The following PPP1R14C variants were observed in gnomAD, a reference collection of about 807,000 sequenced individuals.
PPP1R14C encodes protein phosphatase 1 regulatory subunit 14C.
Under a neutral mutation model 20.4 loss-of-function variants are expected in PPP1R14C, and 16 were observed. The observed-to-expected ratio is 0.78, with a 90% CI of 0.53 to 1.19. PPP1R14C has a LOEUF of 1.19. Among genes scored for constraint, PPP1R14C ranks in the 50% most tolerant of loss-of-function variants. PPP1R14C has a pLI of 0.00. For synonymous variants in PPP1R14C, 91 were observed against 91.0 expected (o/e 1.00, Z 0.00); for missense variants, 211 against 220.1 (o/e 0.96, Z 0.26).
At chr6:150,242,233 TC>T (rs1375951780) in intron 3 of PPP1R14C, among the ~76,000 whole-genome samples, 1 of 152,118 alleles carries the variant, frequency 6.6e-6, no homozygotes. Flanking sequence ...CATAAACTCT[TC>T]CAGAAACTTG....
chr6:150,242,068 T>G (rs1451698854), intron 3 of PPP1R14C, among the ~76,000 whole-genome samples: 1 of 152,110 alleles, frequency 6.6e-6, no homozygotes, highest in Non-Finnish European at 1.5e-5. Context: ...CAGGAAAATT[T>G]CTTAATAGGT....
At chr6:150,178,517 G>A (rs888315706) in intron 1 of PPP1R14C, among the ~76,000 whole-genome samples, 1 of 152,202 alleles carries the variant, frequency 6.6e-6, no homozygotes, top group African/African-American at 2.4e-5. Flanking sequence ...TTCAGTTCAG[G>A]TAAAGTCAAT....
intron 1 of PPP1R14C, among the ~76,000 whole-genome samples, chr6:150,164,088 G>T (rs1777400179): frequency 6.6e-6 from 1 of 152,182 alleles, no homozygotes; most frequent in South Asian, 2.1e-4. Flanking sequence ...ATATAGTGGT[G>T]TTGCATTATG....
intron 1 of PPP1R14C, among the ~76,000 whole-genome samples, chr6:150,206,393 C>A (rs1777950899): frequency 6.6e-6 from 1 of 152,158 alleles, no homozygotes; most frequent in Admixed American, 6.5e-5. Context: ...TAGGACAGTG[C>A]CTGGCAGGTA....
intron 1 of PPP1R14C, among the ~76,000 whole-genome samples, chr6:150,191,975 G>A (rs1046895687): frequency 2.0e-5 from 3 of 152,152 alleles, no homozygotes; most frequent in Admixed American, 6.5e-5. Flanking sequence ...ACAGAGGCTG[G>A]AGCTTGCTGA....
At chr6:150,241,371 AT>A (rs1778429256) in intron 3 of PPP1R14C, among the ~76,000 whole-genome samples, 1 of 152,120 alleles carries the variant, frequency 6.6e-6, no homozygotes, top group Non-Finnish European at 1.5e-5. Flanking sequence ...TCCTTTATTA[AT>A]GTAATAAGTA....
chr6:150,183,491 C>G (rs1292107251), intron 1 of PPP1R14C, among the ~76,000 whole-genome samples: 1 of 152,074 alleles, frequency 6.6e-6, no homozygotes, highest in Non-Finnish European at 1.5e-5. Flanking sequence ...ACTGCGGGTT[C>G]TACCAAGTCA....
At chr6:150,192,878 C>G (rs944868287) in intron 1 of PPP1R14C, among the ~76,000 whole-genome samples, 2 of 152,116 alleles carry the variant, frequency 1.3e-5, no homozygotes, top group Non-Finnish European at 2.9e-5. Flanking sequence ...TCTTTCAGGG[C>G]CTCTCATCTT....
intron 3 of PPP1R14C, among the ~76,000 whole-genome samples, chr6:150,237,981 G>T (rs111813464): frequency 6.6e-6 from 1 of 151,866 alleles, no homozygotes; most frequent in Non-Finnish European, 1.5e-5. Flanking sequence ...ATCATTATAC[G>T]ATCCATAGTC....
intron 1 of PPP1R14C, among the ~76,000 whole-genome samples, chr6:150,193,048 CTGT>C (rs545175295): frequency 7.9e-5 from 12 of 152,262 alleles, no homozygotes; most frequent in African/African-American, 2.4e-4. Context: ...TTTTCTTACT[CTGT>C]TGTTTAAGTA....
chr6:150,188,927 C>T (rs961681193), intron 1 of PPP1R14C, among the ~76,000 whole-genome samples: 26 of 151,860 alleles, frequency 1.7e-4, no homozygotes, highest in Admixed American at 3.9e-4. Flanking sequence ...GGCATGATCT[C>T]GGCTCACTGC....
At chr6:150,224,666 G>A (rs918281057) in intron 3 of PPP1R14C, among the ~76,000 whole-genome samples, 3 of 152,120 alleles carry the variant, frequency 2.0e-5, no homozygotes, top group Admixed American at 1.3e-4. Context: ...CTTGCATGCT[G>A]TCTACTTTAT....
At chr6:150,184,144 T>TAGTC (rs1777651624) in intron 1 of PPP1R14C, among the ~76,000 whole-genome samples, 1 of 152,228 alleles carries the variant, frequency 6.6e-6, no homozygotes, top group Admixed American at 6.5e-5. Flanking sequence ...TTTGCAGGTG[T>TAGTC]AGTCACACAT....
intron 1 of PPP1R14C, among the ~76,000 whole-genome samples, chr6:150,184,926 T>C (rs1022624216): frequency 6.6e-6 from 1 of 152,234 alleles, no homozygotes; most frequent in Non-Finnish European, 1.5e-5. Context: ...CATGAAGTTA[T>C]GGCTTTATTC....
intron 1 of PPP1R14C, among the ~76,000 whole-genome samples, chr6:150,190,924 A>G (rs1159252901): frequency 2.0e-5 from 3 of 152,088 alleles, no homozygotes; most frequent in Admixed American, 6.5e-5. Flanking sequence ...TCCCGTTAAT[A>G]TAAGTCAAAT....
At chr6:150,161,154 C>T (rs1777362490) in intron 1 of PPP1R14C, among the ~76,000 whole-genome samples, 1 of 151,994 alleles carries the variant, frequency 6.6e-6, no homozygotes, top group Non-Finnish European at 1.5e-5. Context: ...GTGGCATGCT[C>T]CTGTAATCCC....
At chr6:150,208,655 C>G (rs916111945) in intron 1 of PPP1R14C, among the ~76,000 whole-genome samples, 1 of 152,196 alleles carries the variant, frequency 6.6e-6, no homozygotes, top group Non-Finnish European at 1.5e-5. Flanking sequence ...CCTTTTGTCA[C>G]TGGAATTAGG....
At chr6:150,216,889 T>G in intron 3 of PPP1R14C, 33 bp downstream of exon 3, 1 of 1,571,362 alleles carries the variant, frequency 6.4e-7, no homozygotes, top group Non-Finnish European at 8.7e-7. Flanking sequence ...ATGCCATGTT[T>G]GAACTGGTTT....
chr6:150,224,310 T>C (rs1038235264), intron 3 of PPP1R14C, among the ~76,000 whole-genome samples: 5 of 152,314 alleles, frequency 3.3e-5, no homozygotes, highest in East Asian at 1.9e-4. Context: ...TCCTGCAACA[T>C]TGTGTTGGCT....
Sources: gnomAD v4.1 joint callset for allele counts (sites outside exome capture counted in the v4.1 genomes callset) on GRCh38, gnomAD v4.1.1 for gene constraint, MANE v1.5 for transcripts, NCBI Gene and HGNC (gene_info 2026-07-23, HGNC 2026-07-21) for gene names.